H2AZ1: variants seen among roughly 807,000 people sequenced by gnomAD.
H2AZ1 encodes histone H2A.Z.
A neutral mutation model predicts 16.6 loss-of-function variants in H2AZ1; 3 were observed. The ratio of observed to expected loss-of-function variants is 0.18; its 90% CI spans 0.08 to 0.47. The LOEUF is 0.47. H2AZ1 is among the 20% of genes least tolerant of loss of function. The pLI is 0.98. For synonymous variants in H2AZ1, 78 were observed against 60.7 expected (o/e 1.28, Z -1.32); for missense variants, 27 against 163.6 (o/e 0.17, Z 4.55).
At chr4:99,950,106 A>T in intron 1 of H2AZ1, 62 bp downstream of exon 1, 1 of 1,571,030 alleles carries the variant, frequency 6.4e-7, no homozygotes, top group Admixed American at 1.7e-5. Flanking sequence ...CCCTCTGTGT[A>T]ACGGGTTTTT....
At chr4:99,949,523 T>C in intron 2 of H2AZ1, 137 bp from the exon 3 acceptor site, 1 of 986,312 alleles carries the variant, frequency 1.0e-6, no homozygotes, top group Non-Finnish European at 1.6e-6. Context: ...CTCCCCCCCA[T>C]ATTTATCGTA....
In H2AZ1 at chr4:99,948,394, G is replaced by C. The variant is rs1727184512; in HGVS notation, c.*68C>G. On this transcript the variant is annotated 3_prime_UTR_variant, in exon 5 of 5. Coordinates refer to ENST00000296417, the MANE Select transcript of H2AZ1 (RefSeq NM_002106.4). ...TTTTTCACAGAGATACAGTCCACTG[G>C]AATCACCAACACTGGACAGCTGTTA... 2.1e-6 allele frequency: 2 copies of C among 936,190 alleles called. No individual in the cohort carries two copies. The highest frequency in any genetic ancestry group is 3.6e-6 in the Non-Finnish European group (2 of 563,104). The allele number at this position is 936,190 out of a possible 1,614,324, so 58.0% of individuals were successfully genotyped here. A position where few individuals can be genotyped will look rare whatever the true frequency, so the allele number is the denominator to read the frequency against.
chr4:99,949,052 T>A, intron 3 of H2AZ1, 112 bp from the exon 4 acceptor site: 2 of 759,066 alleles, frequency 2.6e-6, no homozygotes, highest in Non-Finnish European at 4.6e-6. Flanking sequence ...TTCCTCACTA[T>A]CTGACTGGCA....
At chr4:99,949,516 C>T (rs1237266311) in intron 2 of H2AZ1, 130 bp from the exon 3 acceptor site, 2 of 979,910 alleles carry the variant, frequency 2.0e-6, no homozygotes, top group South Asian at 1.3e-5. Context: ...GTGATTCCTC[C>T]CCCCCATATT....
In H2AZ1 at chr4:99,948,422, G is replaced by A. The variant is rs1578247872; in HGVS notation, c.*40C>T. The A allele has an allele frequency of 5.5e-6, 6 of 1,099,936 alleles. No homozygotes were observed. The highest frequency in any genetic ancestry group is 8.4e-6 in the Non-Finnish European group (6 of 711,132). 68.1% of individuals were successfully genotyped at this position (1,099,936 alleles called of 1,614,324 possible). On this transcript the variant is annotated 3_prime_UTR_variant, in exon 5 of 5. Coordinates refer to ENST00000296417, the MANE Select transcript of H2AZ1 (RefSeq NM_002106.4). ...TCACCAACACTGGACAGCTGTTAGA[G>A]TATTTAGAGTCCTGAGATAACAAGG...
At chr4:99,950,041 C>T (rs572977819) in intron 1 of H2AZ1, 127 bp downstream of exon 1, 6 of 859,842 alleles carry the variant, frequency 7.0e-6, no homozygotes, top group Admixed American at 2.1e-5. Flanking sequence ...CACCTCCCCC[C>T]ACTCTTCTAA....
In H2AZ1 at chr4:99,950,233, G is replaced by T. The variant is rs1351879774; in HGVS notation, c.-63C>A. 6 of 1,537,860 alleles carry T rather than the reference G, an allele frequency of 3.9e-6. No homozygotes were observed. In the African/African-American group the frequency reaches 8.1e-5, roughly 21 times the overall value. Reference sequence around the variant, plus strand: ...AAAAGGCTAATCGGACCCACGGTGAGATCCCACCACCTACTCCTTCGTCGC... The same window carrying T: ...AAAAGGCTAATCGGACCCACGGTGATATCCCACCACCTACTCCTTCGTCGC... On this transcript the variant is annotated 5_prime_UTR_variant, in exon 1 of 5. Coordinates refer to ENST00000296417, the MANE Select transcript of H2AZ1 (RefSeq NM_002106.4).
At chr4:99,948,705 A>G in intron 4 of H2AZ1, 106 bp downstream of exon 4, 9 of 1,477,444 alleles carry the variant, frequency 6.1e-6, no homozygotes, top group Non-Finnish European at 8.2e-6. Context: ...CCATACTTCC[A>G]TCATTGAAAA....
intron 1 of H2AZ1, 141 bp from the exon 2 acceptor site, chr4:99,949,881 C>T: frequency 3.6e-6 from 1 of 275,526 alleles, no homozygotes; most frequent in Non-Finnish European, 5.7e-6. Flanking sequence ...CGCGGCGCGC[C>T]GCAGGGGCGA....
chr4:99,948,601 T>C (rs1376475092), intron 4 of H2AZ1, 78 bp from the exon 5 acceptor site: 3 of 1,568,184 alleles, frequency 1.9e-6, no homozygotes, highest in Non-Finnish European at 2.6e-6. Flanking sequence ...AAGTGTATAC[T>C]GTTCAACTTG....
intron 3 of H2AZ1, 78 bp downstream of exon 3, chr4:99,949,195 G>T: frequency 2.4e-6 from 2 of 848,876 alleles, no homozygotes; most frequent in South Asian, 1.6e-5. Context: ...GAGTTTTCTT[G>T]CATCACTTTC....
intron 2 of H2AZ1, 33 bp downstream of exon 2, chr4:99,949,630 C>T: frequency 2.5e-6 from 4 of 1,588,978 alleles, no homozygotes; most frequent in Non-Finnish European, 3.5e-6. Context: ...AGAAAAACAT[C>T]ATGACTCCCA....
chr4:99,948,524 C>T lies in H2AZ1; in HGVS notation c.326-1G>A. 6.2e-7 allele frequency: 1 copy of T among 1,611,260 alleles called. No individual in the cohort carries two copies. Among genetic ancestry groups the T allele is most frequent in the Non-Finnish European group, 8.5e-7 (1 of 1,178,154 alleles). The stretch of plus-strand genomic sequence containing the variant: ...GATTTGTGGATGTGTGGAATGACAC[C>T]TAGGAGAGTGACAGGAATTAATTCT... On this transcript the variant is annotated splice_acceptor_variant, in intron 4 of 4. Transcript: ENST00000296417. LOFTEE classifies it high-confidence loss of function.
At position 99,950,271 on chromosome 4, in the gene H2AZ1, A is replaced by G; in HGVS notation, c.-101T>C. ...ACTCCTTCGTCGCACCGCGATTCAAACTGCGCTGTCTCCCGCCTTCCCTGC... is the reference window on the plus strand; with the variant it reads ...ACTCCTTCGTCGCACCGCGATTCAAGCTGCGCTGTCTCCCGCCTTCCCTGC... On this transcript the variant is annotated 5_prime_UTR_variant, in exon 1 of 5. Transcript: ENST00000296417. 1 of 1,123,096 alleles carries G rather than the reference A, an allele frequency of 8.9e-7. No individual in the cohort carries two copies. Among genetic ancestry groups the G allele is most frequent in the Non-Finnish European group, 1.3e-6 (1 of 754,412 alleles). 69.6% of individuals were successfully genotyped at this position (1,123,096 alleles called of 1,614,324 possible).
chr4:99,948,420 G>C lies in H2AZ1; in HGVS notation c.*42C>G. The C allele has an allele frequency of 1.9e-6, 2 of 1,079,232 alleles. No homozygotes were observed. The highest frequency in any genetic ancestry group is 1.4e-6 in the Non-Finnish European group (1 of 692,354). 66.9% of individuals were successfully genotyped at this position (1,079,232 alleles called of 1,614,324 possible). On this transcript the variant is annotated 3_prime_UTR_variant, in exon 5 of 5. Coordinates refer to ENST00000296417, the MANE Select transcript of H2AZ1 (RefSeq NM_002106.4). ...AATCACCAACACTGGACAGCTGTTA[G>C]AGTATTTAGAGTCCTGAGATAACAA...
At position 99,949,747 on chromosome 4, in the gene H2AZ1, C is replaced by A. The variant is rs199997351; in HGVS notation, c.4-7G>T. 5 of 1,604,952 alleles carry A rather than the reference C, an allele frequency of 3.1e-6. No individual in the cohort carries two copies. Among genetic ancestry groups the A allele is most frequent in the African/African-American group, 1.3e-5 (1 of 74,500 alleles). On this transcript the variant is annotated splice_polypyrimidine_tract_variant and splice_region_variant and intron_variant, in intron 1 of 4. Coordinates refer to ENST00000296417, the MANE Select transcript of H2AZ1 (RefSeq NM_002106.4). ...TTCCAGCCTTACCGCCAGCCTGCGG[C>A]GCGCACACGCCCGCGAGCGGAGGAG...
chr4:99,948,404 C>T lies in H2AZ1; in HGVS notation c.*58G>A. ...AGATACAGTCCACTGGAATCACCAA[C>T]ACTGGACAGCTGTTAGAGTATTTAG... On this transcript the variant is annotated 3_prime_UTR_variant, in exon 5 of 5. Coordinates refer to ENST00000296417, the MANE Select transcript of H2AZ1 (RefSeq NM_002106.4). The T allele has an allele frequency of 9.9e-7, 1 of 1,009,090 alleles. No homozygotes were observed. The highest frequency in any genetic ancestry group is 1.3e-5 in the South Asian group (1 of 78,708). The allele number at this position is 1,009,090 out of a possible 1,614,324, so 62.5% of individuals were successfully genotyped here.
At chr4:99,949,818 C>G (rs1406179090) in intron 1 of H2AZ1, 78 bp from the exon 2 acceptor site, 3 of 1,164,638 alleles carry the variant, frequency 2.6e-6, no homozygotes, top group Non-Finnish European at 3.6e-6. Context: ...CATCCCCCAC[C>G]GCGGCGCGTC....
rs1727183761 is a variant in H2AZ1 at position 99,948,371 on chromosome 4, T to C, written c.*91A>G. 2 of 868,324 alleles carry C rather than the reference T, an allele frequency of 2.3e-6. No homozygotes were observed. The highest frequency in any genetic ancestry group is 1.3e-5 in the South Asian group (1 of 74,464). The allele number at this position is 868,324 out of a possible 1,614,324, so 53.8% of individuals were successfully genotyped here. On this transcript the variant is annotated 3_prime_UTR_variant, in exon 5 of 5. Coordinates refer to ENST00000296417, the MANE Select transcript of H2AZ1 (RefSeq NM_002106.4). ...AATTACAAAAAGGCAAAATTGTGTT[T>C]TTCACAGAGATACAGTCCACTGGAA...
Sources: allele counts gnomAD v4.1 joint callset, GRCh38; gene constraint gnomAD v4.1.1; transcripts MANE v1.5; gene names NCBI Gene and HGNC (gene_info 2026-07-23, HGNC 2026-07-21).